The following CCDC7 variants were observed in gnomAD, a reference collection of about 807,000 sequenced individuals.
CCDC7 encodes the protein coiled-coil domain-containing protein 7.
A neutral mutation model predicts 196.9 loss-of-function variants in CCDC7; 183 were observed. That is an observed-to-expected ratio of 0.93 (90% confidence interval 0.82 to 1.05). The LOEUF (loss-of-function observed/expected upper bound fraction) is 1.05. Ranked by LOEUF, CCDC7 falls within the 50% of genes least tolerant of loss-of-function variation. CCDC7 has a pLI of 0.00. For missense variants in CCDC7, 1,540 were observed against 1,482.2 expected (o/e 1.04, Z -0.64); for synonymous variants, 525 against 484.6 (o/e 1.08, Z -1.10).
chr10:32,724,169 C>A (rs117514582), intron 25 of CCDC7, among the ~76,000 whole-genome samples: 124 of 152,242 alleles, frequency 8.1e-4, no homozygotes, highest in Admixed American at 3.3e-3. Flanking sequence ...AAAATATTTC[C>A]TGAGACACAT....
At chr10:32,453,305 T>G (rs1337250005) in intron 1 of CCDC7, 39 bp from the exon 3 acceptor site, 2 of 1,333,578 alleles carry the variant, frequency 1.5e-6, no homozygotes, top group Non-Finnish European at 2.0e-6. Flanking sequence ...AATTTTAAAC[T>G]ATTAAAGTAT....
At chr10:32,573,002 C>G (rs911547447) in intron 16 of CCDC7, among the ~76,000 whole-genome samples, 1 of 151,780 alleles carries the variant, frequency 6.6e-6, no homozygotes, top group Non-Finnish European at 1.5e-5. Context: ...CTCAGCCTCC[C>G]CAGGAGCTGG....
At chr10:32,840,427 A>T (rs2092902732) in intron 33 of CCDC7, among the ~76,000 whole-genome samples, 1 of 152,092 alleles carries the variant, frequency 6.6e-6, no homozygotes, top group Non-Finnish European at 1.5e-5. Context: ...TCCTGGAAAT[A>T]TACAATCCCC....
intron 9 of CCDC7, among the ~76,000 whole-genome samples, chr10:32,504,647 G>A (rs1390546231): frequency 6.6e-6 from 1 of 151,776 alleles, no homozygotes; most frequent in Non-Finnish European, 1.5e-5. Context: ...ATTTCCCTTT[G>A]GATTTCTTTT....
At chr10:32,708,540 C>G (rs899901001) in intron 24 of CCDC7, among the ~76,000 whole-genome samples, 2 of 152,178 alleles carry the variant, frequency 1.3e-5, no homozygotes, top group Non-Finnish European at 1.5e-5. Flanking sequence ...AGGCAACCTA[C>G]AGAATGGGAG....
intron 32 of CCDC7, among the ~76,000 whole-genome samples, chr10:32,826,440 A>G (rs2091126815): frequency 2.0e-5 from 3 of 152,314 alleles, no homozygotes; most frequent in Admixed American, 1.3e-4. Context: ...TGAACTGCCT[A>G]TCATGAACTG....
chr10:32,773,690 C>T (rs2079522345), intron 28 of CCDC7, among the ~76,000 whole-genome samples: 1 of 152,022 alleles, frequency 6.6e-6, no homozygotes, highest in South Asian at 2.1e-4. Context: ...GAGTCCATTA[C>T]TGAAGGTTTT....
At chr10:32,658,661 G>A (rs1277777468) in intron 20 of CCDC7, among the ~76,000 whole-genome samples, 1 of 152,120 alleles carries the variant, frequency 6.6e-6, no homozygotes, top group Non-Finnish European at 1.5e-5. Flanking sequence ...TATACACAAC[G>A]AAATATTATG....
chr10:32,503,657 A>G (rs1228995050), intron 9 of CCDC7, among the ~76,000 whole-genome samples: 1 of 152,144 alleles, frequency 6.6e-6, no homozygotes, highest in African/African-American at 2.4e-5. Context: ...GTTTAGAAGT[A>G]TTTCTTCCTC....
intron 28 of CCDC7, among the ~76,000 whole-genome samples, chr10:32,766,729 A>G (rs1240712110): frequency 2.0e-5 from 3 of 152,168 alleles, no homozygotes; most frequent in Non-Finnish European, 2.9e-5. Flanking sequence ...GTAGTACTCC[A>G]TCATCAAATA....
chr10:32,701,877 T>A (rs2078796900), intron 24 of CCDC7, among the ~76,000 whole-genome samples: 2 of 152,156 alleles, frequency 1.3e-5, no homozygotes, highest in Admixed American at 6.5e-5. Flanking sequence ...CCTTTATCAT[T>A]TTTTATTGCG....
At chr10:32,576,181 AC>A (rs1404864691) in intron 16 of CCDC7, among the ~76,000 whole-genome samples, 6 of 151,862 alleles carry the variant, frequency 4.0e-5, no homozygotes, top group Non-Finnish European at 8.8e-5. Context: ...CCCCAAAGTT[AC>A]CATTTTGCCA....
intron 16 of CCDC7, among the ~76,000 whole-genome samples, chr10:32,580,207 CA>C (rs2058610481): frequency 6.6e-6 from 1 of 151,564 alleles, no homozygotes; most frequent in Admixed American, 6.6e-5. Flanking sequence ...CTGATTATTT[CA>C]GTAATAGCAT....
chr10:32,452,055 G>A, intron 1 of CCDC7, 134 bp downstream of exon 2: 1 of 1,267,142 alleles, frequency 7.9e-7, no homozygotes, highest in Non-Finnish European at 1.0e-6. Flanking sequence ...GGCACATGAG[G>A]TGAAATTAGG....
rs1351898623 is a variant in CCDC7 at position 32,831,791 on chromosome 10, C to T, written c.3269-3024C>T. 7.9e-5 allele frequency among the ~76,000 whole-genome samples: 12 copies of T among 152,260 alleles called. No individual in the cohort carries two copies. The East Asian group carries it at 2.3e-3, about 29-fold the overall frequency. ...GATAACGATGCCTTCTTCTGGAATACGTCCTGAGGGACCTGTCTGAGGCTG... is the reference window on the plus strand; with the variant it reads ...GATAACGATGCCTTCTTCTGGAATATGTCCTGAGGGACCTGTCTGAGGCTG... On this transcript the variant is annotated intron_variant, in intron 32 of 41. Coordinates refer to ENST00000639629, the Ensembl canonical transcript of CCDC7.
At chr10:32,848,667 C>T (rs2093412567) in exon 39 of CCDC7, 2 of 1,551,878 alleles carry the variant, frequency 1.3e-6, no homozygotes, top group Admixed American at 1.7e-5. Flanking sequence ...GAGCATTACA[C>T]CAAGTAAATT....
chr10:32,761,190 A>G (rs1011203029), intron 28 of CCDC7, among the ~76,000 whole-genome samples: 5 of 152,040 alleles, frequency 3.3e-5, no homozygotes. Context: ...AGAAGAGGGA[A>G]TACAGAAAGC....
At chr10:32,803,121 T>C (rs1005026453) in intron 29 of CCDC7, among the ~76,000 whole-genome samples, 3 of 152,244 alleles carry the variant, frequency 2.0e-5, no homozygotes, top group Admixed American at 6.5e-5. Flanking sequence ...GACTTGTTTG[T>C]GGCCTGATAT....
intron 33 of CCDC7, among the ~76,000 whole-genome samples, chr10:32,843,156 G>A (rs905737311): frequency 6.0e-5 from 9 of 150,738 alleles, no homozygotes; most frequent in African/African-American, 1.5e-4. Flanking sequence ...CAAATCCACC[G>A]GAACAAATGC....
Sources: allele counts gnomAD v4.1 joint callset (sites outside exome capture counted in the v4.1 genomes callset), GRCh38; gene constraint gnomAD v4.1.1; transcripts MANE v1.5; gene names NCBI Gene and HGNC (gene_info 2026-07-23, HGNC 2026-07-21).